Variants in GSTO1 observed in about 807,000 individuals in gnomAD.
GSTO1 encodes the protein glutathione S-transferase omega-1.
In GSTO1, 27 loss-of-function variants were observed where a neutral mutation model predicts 23.8. That is an observed-to-expected ratio of 1.13 (90% CI 0.83 to 1.56). The LOEUF is 1.56. Ranked by LOEUF, GSTO1 falls within the 40% of genes most tolerant of loss-of-function variation. GSTO1 has a pLI of 0.00. For synonymous variants in GSTO1, 105 were observed against 109.3 expected (o/e 0.96, Z 0.25); for missense variants, 255 against 285.8 (o/e 0.89, Z 0.78).
intron 4 of GSTO1, among the ~76,000 whole-genome samples, chr10:104,263,447 G>C (rs2011155308): frequency 6.6e-6 from 1 of 152,164 alleles, no homozygotes; most frequent in Admixed American, 6.5e-5. Context: ...TCTAATCAGA[G>C]CATAGATATC....
At chr10:104,259,001 G>A (rs759248495) in intron 2 of GSTO1, among the ~76,000 whole-genome samples, 28 of 152,162 alleles carry the variant, frequency 1.8e-4, no homozygotes, top group Non-Finnish European at 3.1e-4. Flanking sequence ...AAAAAGACAA[G>A]TGTTAGCAAG....
chr10:104,255,180 C>T lies in GSTO1; in HGVS notation c.52C>T (p.Pro18Ser), dbSNP rs1288941028. The T allele has an allele frequency of 1.2e-6, 2 of 1,613,362 alleles. No homozygotes were observed. The highest frequency in any genetic ancestry group is 1.7e-6 in the Non-Finnish European group (2 of 1,179,430). The change falls in exon 2 of 6, where the codon CCG becomes TCG. Residue 18 changes from proline to serine, a missense_variant. Physicochemically the swap from Pro to Ser is moderately conservative, Grantham distance 74. Transcript: ENST00000369713. ...CCCGGCAGGAAGCGCGCCCCCGGGG[C>T]CGGTCCCGGAGGGCTCGATCCGCAT... ...SLGKGSAPPG[P>S]VPEGSIRIYS...
At chr10:104,257,556 G>T (rs986776227) in intron 2 of GSTO1, among the ~76,000 whole-genome samples, 4 of 151,950 alleles carry the variant, frequency 2.6e-5, no homozygotes, top group African/African-American at 9.7e-5. Flanking sequence ...GCCCAGGCTG[G>T]TCTTGAACTC....
At chr10:104,254,610 G>T, upstream of GSTO1, 1 of 462,774 alleles carries the variant, frequency 2.2e-6, no homozygotes, top group Non-Finnish European at 3.9e-6. Flanking sequence ...GTCAGGGTCA[G>T]ACGTGGAGCC....
At chr10:104,260,495 A>C (rs2011129712) in intron 3 of GSTO1, among the ~76,000 whole-genome samples, 1 of 152,238 alleles carries the variant, frequency 6.6e-6, no homozygotes, top group Admixed American at 6.5e-5. Flanking sequence ...TAGCCATAGC[A>C]TCAAGCAGTG....
chr10:104,255,299 C>T, intron 2 of GSTO1, 28 bp downstream of exon 2: 2 of 1,481,768 alleles, frequency 1.3e-6, no homozygotes, highest in Non-Finnish European at 1.9e-6. Flanking sequence ...GGACGCTCCC[C>T]GAGCCGTCCG....
chr10:104,257,824 T>C (rs765833002), intron 2 of GSTO1, among the ~76,000 whole-genome samples: 11 of 152,262 alleles, frequency 7.2e-5, no homozygotes, highest in Non-Finnish European at 1.0e-4. Flanking sequence ...GAGTATCTTA[T>C]TGACAATTTT....
chr10:104,259,189 T>C (rs185895439), intron 2 of GSTO1, among the ~76,000 whole-genome samples: 26 of 152,314 alleles, frequency 1.7e-4, no homozygotes, highest in Admixed American at 3.3e-4. Flanking sequence ...CAAAGAGATA[T>C]TAGCACTCTC....
Position 104,266,119 on chromosome 10 carries a change from C to T in GSTO1, c.501C>T (p.Gly167=). 1 of 1,609,516 alleles carries T rather than the reference C, an allele frequency of 6.2e-7. No individual in the cohort carries two copies. Residue 167 remains glycine, a synonymous_variant, in exon 5 of 6, where the codon GGC becomes GGT. Coordinates refer to ENST00000369713, the MANE Select transcript of GSTO1 (RefSeq NM_004832.3). ...ATAAGAAGACGACCTTCTTTGGTGGCAATTCTATCTCTATGATTGATTACC... is the reference window on the plus strand; with the variant it reads ...ATAAGAAGACGACCTTCTTTGGTGGTAATTCTATCTCTATGATTGATTACC... The part of the protein sequence containing the change: ...LTNKKTTFFG[G]NSISMIDYLI...
chr10:104,259,528 G>T (rs2011120243), intron 2 of GSTO1, 48 bp from the exon 3 acceptor site: 1 of 1,228,352 alleles, frequency 8.1e-7, no homozygotes, highest in Non-Finnish European at 1.2e-6. Context: ...TTATCCAAAA[G>T]CACAAAAGTT....
At chr10:104,263,833 G>T (rs1339582682) in intron 4 of GSTO1, among the ~76,000 whole-genome samples, 1 of 151,576 alleles carries the variant, frequency 6.6e-6, no homozygotes, top group South Asian at 2.1e-4. Context: ...TTTATTGAAT[G>T]GTTTTTCTGC....
intron 2 of GSTO1, among the ~76,000 whole-genome samples, chr10:104,255,718 A>C (rs769935601): frequency 6.6e-6 from 1 of 152,210 alleles, no homozygotes; most frequent in Non-Finnish European, 1.5e-5. Context: ...CCAGTACAGC[A>C]GAGTTTAGAC....
chr10:104,264,097 G>T (rs1274883843), intron 4 of GSTO1, among the ~76,000 whole-genome samples: 1 of 152,046 alleles, frequency 6.6e-6, no homozygotes, highest in Admixed American at 6.6e-5. Flanking sequence ...TTGGTTTCAA[G>T]GATATTCTGA....
In GSTO1 at chr10:104,267,288, G is replaced by C. The variant is rs1233433012; in HGVS notation, c.609G>C (p.Met203Ile). Residue 203 changes from methionine (M) to isoleucine (I), a missense_variant, in exon 6 of 6, where the codon ATG becomes ATC. Met to Ile is a conservative substitution (Grantham distance 10). Transcript: ENST00000369713. ...VDHTPKLKLW[M>I]AAMKEDPTVS... ...ACACTCCAAAACTGAAACTGTGGAT[G>C]GCAGCCATGAAGGAAGATCCCACAG... 2 of 1,613,378 alleles carry C rather than the reference G, an allele frequency of 1.2e-6. No homozygotes were observed. The highest frequency in any genetic ancestry group is 1.7e-6 in the Non-Finnish European group (2 of 1,179,556).
At position 104,258,448 on chromosome 10, in the gene GSTO1, A is replaced by C. The variant is rs1039158353; in HGVS notation, c.144-1128A>C. ...CAAAGGAAACGATTAACAGAGCAAA[A>C]AGGCAACCTATGGAATAGGAGAAAG... is the stretch of plus-strand genomic sequence containing the variant. On this transcript the variant is annotated intron_variant, in intron 2 of 5. Transcript: ENST00000369713. 2.0e-5 allele frequency among the ~76,000 whole-genome samples: 3 copies of C among 152,216 alleles called. No homozygotes were observed. In the South Asian group the frequency reaches 6.2e-4, roughly 32 times the overall value.
intron 2 of GSTO1, among the ~76,000 whole-genome samples, chr10:104,255,964 T>G (rs1390053434): frequency 6.6e-6 from 1 of 152,246 alleles, no homozygotes; most frequent in African/African-American, 2.4e-5. Flanking sequence ...CCTTTGGATG[T>G]CTGTTGATTA....
intron 2 of GSTO1, among the ~76,000 whole-genome samples, chr10:104,255,811 G>C (rs1052766139): frequency 4.6e-5 from 7 of 152,216 alleles, no homozygotes; most frequent in Admixed American, 2.6e-4. Flanking sequence ...AGAGGGAAGT[G>C]TCTGTCTAGC....
chr10:104,255,653 T>G (rs910121444), intron 2 of GSTO1, among the ~76,000 whole-genome samples: 3 of 152,234 alleles, frequency 2.0e-5, no homozygotes, highest in African/African-American at 4.8e-5. Flanking sequence ...TATTCCAGCT[T>G]AACTGTTAGT....
intron 2 of GSTO1, among the ~76,000 whole-genome samples, chr10:104,257,427 G>C (rs1033909214): frequency 6.7e-6 from 1 of 150,176 alleles, no homozygotes; most frequent in African/African-American, 2.5e-5. Context: ...TGCAACCTCT[G>C]CCTCCAGGGC....
Sources: gnomAD v4.1 joint callset for allele counts (sites outside exome capture counted in the v4.1 genomes callset) on GRCh38, gnomAD v4.1.1 for gene constraint, MANE v1.5 for transcripts, NCBI Gene and HGNC (gene_info 2026-07-23, HGNC 2026-07-21) for gene names.